The following RANBP17 variants were observed in gnomAD, a reference collection of about 807,000 sequenced individuals.
RANBP17 encodes the protein ran-binding protein 17.
A neutral mutation model predicts 141.2 loss-of-function variants in RANBP17; 158 were observed. The observed-to-expected ratio is 1.12, with a 90% CI of 0.98 to 1.28. The LOEUF is 1.28. Ranked by LOEUF, RANBP17 falls within the 50% of genes most tolerant of loss-of-function variation. RANBP17 has a pLI of 0.00. For missense variants in RANBP17, 1,438 were observed against 1,290.7 expected (o/e 1.11, Z -1.75); for synonymous variants, 430 against 450.0 (o/e 0.96, Z 0.56).
chr5:171,268,014 G>A (rs1766841507), intron 25 of RANBP17, among the ~76,000 whole-genome samples: 1 of 152,130 alleles, frequency 6.6e-6, no homozygotes, highest in South Asian at 2.1e-4. Flanking sequence ...ACTAGGCAAA[G>A]GGCTGTAGAC....
intron 14 of RANBP17, among the ~76,000 whole-genome samples, chr5:171,169,283 C>T (rs2127878493): frequency 6.6e-6 from 1 of 152,238 alleles, no homozygotes; most frequent in Non-Finnish European, 1.5e-5. Flanking sequence ...GATCAAATCA[C>T]AGAAGAGAAA....
At chr5:171,055,766 T>TC (rs1407997375) in intron 14 of RANBP17, among the ~76,000 whole-genome samples, 1 of 151,056 alleles carries the variant, frequency 6.6e-6, no homozygotes, top group Non-Finnish European at 1.5e-5. Flanking sequence ...AGGCCAGTTT[T>TC]CCCAAGGGGC....
At chr5:171,270,293 T>A (rs923350897) in intron 25 of RANBP17, among the ~76,000 whole-genome samples, 1 of 152,214 alleles carries the variant, frequency 6.6e-6, no homozygotes, top group Non-Finnish European at 1.5e-5. Context: ...GCATTAAAAT[T>A]TAGTCCATAT....
chr5:171,208,837 G>C (rs1762720120), intron 20 of RANBP17, among the ~76,000 whole-genome samples: 1 of 152,158 alleles, frequency 6.6e-6, no homozygotes, highest in African/African-American at 2.4e-5. Context: ...TCATGATTCT[G>C]TGATTATGTA....
chr5:170,898,375 GT>G (rs1374225789), intron 5 of RANBP17, among the ~76,000 whole-genome samples: 3 of 150,998 alleles, frequency 2.0e-5, no homozygotes, highest in Admixed American at 6.6e-5. Context: ...TTGTGATGGG[GT>G]TTTTTTTTCT....
intron 14 of RANBP17, among the ~76,000 whole-genome samples, chr5:171,035,496 C>A (rs1273298195): frequency 6.7e-6 from 1 of 149,266 alleles, no homozygotes; most frequent in East Asian, 2.0e-4. Flanking sequence ...TATGCTTGAA[C>A]ATGTTAACCC....
chr5:171,061,684 T>A (rs1298227655), intron 14 of RANBP17, among the ~76,000 whole-genome samples: 1 of 152,208 alleles, frequency 6.6e-6, no homozygotes, highest in African/African-American at 2.4e-5. Context: ...TAGGTCCGCT[T>A]GGTGCAGAGC....
At chr5:170,910,727 TGAGTGTCCTCCAACATTCA>T (rs1426643181) in intron 6 of RANBP17, 24 of 430,022 alleles carry the variant, frequency 5.6e-5, no homozygotes, top group Non-Finnish European at 9.6e-5. Flanking sequence ...AGAAGCTTTG[TGAGTGTCCTCCAACATTCA>T]GAGTTCTGAT....
At chr5:171,008,592 C>G (rs142359131) in intron 14 of RANBP17, among the ~76,000 whole-genome samples, 1 of 152,048 alleles carries the variant, frequency 6.6e-6, no homozygotes, top group Non-Finnish European at 1.5e-5. Context: ...CAATGTTTTG[C>G]GGGTAGGGGG....
At chr5:171,241,996 T>C (rs557489123) in intron 23 of RANBP17, among the ~76,000 whole-genome samples, 1 of 150,876 alleles carries the variant, frequency 6.6e-6, no homozygotes, top group East Asian at 1.9e-4. Flanking sequence ...TTTTTTTCTT[T>C]TTTTTTTTTT....
intron 13 of RANBP17, among the ~76,000 whole-genome samples, chr5:170,957,129 G>A (rs370813187): frequency 1.3e-4 from 19 of 147,848 alleles, no homozygotes; most frequent in East Asian, 4.0e-4. Context: ...CCACTATCTC[G>A]TGAGAAAACG....
At chr5:170,891,641 C>T (rs182094548) in intron 3 of RANBP17, among the ~76,000 whole-genome samples, 5 of 152,206 alleles carry the variant, frequency 3.3e-5, no homozygotes, top group Admixed American at 3.3e-4. Context: ...GGGAAGCTGG[C>T]ATGGCTTACA....
At chr5:171,297,968 C>T (rs2128048080) in intron 27 of RANBP17, among the ~76,000 whole-genome samples, 1 of 150,918 alleles carries the variant, frequency 6.6e-6, no homozygotes, top group South Asian at 2.1e-4. Flanking sequence ...TGATTCTTCC[C>T]ACCTCAGCCT....
At chr5:170,910,016 T>C (rs1771405783) in intron 6 of RANBP17, 1 of 278,272 alleles carries the variant, frequency 3.6e-6, no homozygotes, top group Admixed American at 5.2e-5. Flanking sequence ...TTCATTGCCT[T>C]CCCAGTGTAG....
At chr5:171,015,030 T>C (rs1482627809) in intron 14 of RANBP17, among the ~76,000 whole-genome samples, 1 of 152,086 alleles carries the variant, frequency 6.6e-6, no homozygotes, top group Non-Finnish European at 1.5e-5. Flanking sequence ...TCTGCTGTAA[T>C]CCTTTTCTCC....
intron 1 of RANBP17, among the ~76,000 whole-genome samples, chr5:170,866,604 G>C (rs934685395): frequency 1.3e-5 from 2 of 151,972 alleles, no homozygotes; most frequent in African/African-American, 4.8e-5. Flanking sequence ...TAACCCGGGA[G>C]GCGGAGCTTG....
chr5:171,126,983 G>A (rs1170633943), intron 14 of RANBP17, among the ~76,000 whole-genome samples: 1 of 152,132 alleles, frequency 6.6e-6, no homozygotes, highest in Non-Finnish European at 1.5e-5. Context: ...CATTCTATAA[G>A]GTCGGCAATA....
At chr5:170,905,422 TGGAGTAACATTA>T (rs1770998037) in intron 5 of RANBP17, among the ~76,000 whole-genome samples, 2 of 152,140 alleles carry the variant, frequency 1.3e-5, no homozygotes, top group Non-Finnish European at 2.9e-5. Context: ...CAACTCCCTT[TGGAGTAACATTA>T]TAGCCATGTG....
chr5:170,863,958 G>T (rs745854931), intron 1 of RANBP17, among the ~76,000 whole-genome samples: 1 of 152,106 alleles, frequency 6.6e-6, no homozygotes, highest in South Asian at 2.1e-4. Flanking sequence ...AAATTTCTCC[G>T]TTTGAATTCT....
Sources: allele counts gnomAD v4.1 joint callset (sites outside exome capture counted in the v4.1 genomes callset), GRCh38; gene constraint gnomAD v4.1.1; transcripts MANE v1.5; gene names NCBI Gene and HGNC (gene_info 2026-07-23, HGNC 2026-07-21).